The following ARMH3 variants were observed in gnomAD, a reference collection of about 807,000 sequenced individuals.
ARMH3 encodes the protein armadillo like helical domain containing 3.
A neutral mutation model predicts 99.1 loss-of-function variants in ARMH3; 60 were observed. That is an observed-to-expected ratio of 0.61 (90% CI 0.49 to 0.75). The LOEUF (loss-of-function observed/expected upper bound fraction) is 0.75. ARMH3 is among the 30% of genes least tolerant of loss of function. The probability of loss-of-function intolerance (pLI) is 0.00; values close to 1 mark genes in which losing one functional copy is unlikely to be tolerated. For missense variants in ARMH3, 679 were observed against 843.1 expected (o/e 0.81, Z 2.41); for synonymous variants, 285 against 292.8 (o/e 0.97, Z 0.27).
At chr10:102,035,904 A>G (rs547183778) in intron 2 of ARMH3, among the ~76,000 whole-genome samples, 3 of 144,464 alleles carry the variant, frequency 2.1e-5, no homozygotes, top group African/African-American at 7.8e-5. Context: ...CCAGCTGCCC[A>G]GTCTGGGAAG....
intron 19 of ARMH3, among the ~76,000 whole-genome samples, chr10:101,975,608 G>C (rs1006497671): frequency 2.0e-5 from 3 of 152,146 alleles, no homozygotes; most frequent in Non-Finnish European, 2.9e-5. Context: ...GTGCACGCCT[G>C]TAATCCCAGC....
rs190153379 is a variant in ARMH3 at position 101,943,920 on chromosome 10, C to T, written c.1706-3982G>A. 4.2e-3 allele frequency among the ~76,000 whole-genome samples: 639 copies of T among 151,072 alleles called. 7 individuals are homozygous for T. Among genetic ancestry groups the T allele is most frequent in the African/African-American group, 0.015 (607 of 41,114 alleles). On this transcript the variant is annotated intron_variant, in intron 22 of 25. Coordinates refer to ENST00000370033, the MANE Select transcript of ARMH3 (RefSeq NM_024541.3). The stretch of plus-strand genomic sequence containing the variant: ...TCTACTAAAAATACAAAAAATTAGC[C>T]GGGTGTGGTGGCGGACACCTGTAGT...
intron 23 of ARMH3, among the ~76,000 whole-genome samples, chr10:101,905,318 T>C (rs2068077337): frequency 6.6e-6 from 1 of 152,180 alleles, no homozygotes; most frequent in Admixed American, 6.5e-5. Context: ...TCGTAACATA[T>C]TGGATTGTGC....
intron 8 of ARMH3, among the ~76,000 whole-genome samples, chr10:102,023,187 CAA>C (rs57196032): frequency 0.014 from 1,787 of 128,806 alleles, 26 homozygotes; most frequent in African/African-American, 0.039. Flanking sequence ...AAATCCGTCT[CAA>C]AAAAAAAAAA....
At chr10:101,986,224 T>C (rs1214066332) in intron 19 of ARMH3, among the ~76,000 whole-genome samples, 1 of 152,172 alleles carries the variant, frequency 6.6e-6, no homozygotes, top group Admixed American at 6.5e-5. Flanking sequence ...ACCTTTCTTC[T>C]GATGCCTACC....
chr10:101,906,922 A>G (rs1183319573), intron 23 of ARMH3, among the ~76,000 whole-genome samples: 2 of 152,210 alleles, frequency 1.3e-5, no homozygotes, highest in Non-Finnish European at 2.9e-5. Context: ...CAGTTTCTCT[A>G]TTCTAGGAAA....
intron 23 of ARMH3, among the ~76,000 whole-genome samples, chr10:101,909,498 C>T (rs1469747580): frequency 2.0e-5 from 2 of 101,468 alleles, no homozygotes; most frequent in Non-Finnish European, 3.6e-5. Flanking sequence ...GAGACAGGGT[C>T]TCACTCTGTC....
rs547527648 is a variant in ARMH3, at chr10:101,971,108, A to G, written c.1495+4104T>C. 2.0e-5 allele frequency among the ~76,000 whole-genome samples: 3 copies of G among 150,940 alleles called. No individual in the cohort carries two copies. The East Asian group carries it at 5.8e-4, about 29-fold the overall frequency. On this transcript the variant is annotated intron_variant, in intron 20 of 25. Transcript: ENST00000370033. ...TGAGACCGTCTCCAAAAAAAAAAAAAAAAAAAAAAGCAAACATAGCAAAAC... is the reference window on the plus strand; with the variant it reads ...TGAGACCGTCTCCAAAAAAAAAAAAGAAAAAAAAAGCAAACATAGCAAAAC...
At chr10:101,979,324 G>C (rs1313919078) in intron 19 of ARMH3, among the ~76,000 whole-genome samples, 1 of 152,168 alleles carries the variant, frequency 6.6e-6, no homozygotes, top group Non-Finnish European at 1.5e-5. Flanking sequence ...CTACAACATG[G>C]ATGAATATGG....
At chr10:102,009,819 G>A (rs568970354) in intron 12 of ARMH3, among the ~76,000 whole-genome samples, 158 bp downstream of exon 12, 3 of 152,156 alleles carry the variant, frequency 2.0e-5, no homozygotes, top group Non-Finnish European at 4.4e-5. Context: ...AAATTTCTAA[G>A]GGTCCATTAA....
At chr10:101,885,941 C>T (rs550727634) in intron 24 of ARMH3, among the ~76,000 whole-genome samples, 1 of 151,836 alleles carries the variant, frequency 6.6e-6, no homozygotes, top group East Asian at 1.9e-4. Context: ...CCTGTAATCC[C>T]AGCTACTAGG....
chr10:101,926,055 C>T (rs1384699266), intron 23 of ARMH3, among the ~76,000 whole-genome samples: 1 of 152,200 alleles, frequency 6.6e-6, no homozygotes, highest in African/African-American at 2.4e-5. Flanking sequence ...ACATAGATGG[C>T]CTCTTAGGTT....
At chr10:101,993,247 G>GC (rs1283588841) in intron 17 of ARMH3, among the ~76,000 whole-genome samples, 16 of 150,624 alleles carry the variant, frequency 1.1e-4, no homozygotes, top group African/African-American at 3.7e-4. Flanking sequence ...CTCCAGCCTG[G>GC]GGGGGAGAGA....
At chr10:101,901,915 A>C (rs1262638771) in intron 23 of ARMH3, among the ~76,000 whole-genome samples, 1 of 152,198 alleles carries the variant, frequency 6.6e-6, no homozygotes, top group Non-Finnish European at 1.5e-5. Flanking sequence ...CTTCATTGCA[A>C]AATAGTTTCT....
At chr10:101,975,049 T>TAAAAAAAAAAA (rs11399489) in intron 20 of ARMH3, among the ~76,000 whole-genome samples, 163 bp downstream of exon 20, 170 of 29,400 alleles carry the variant, frequency 5.8e-3, no homozygotes, top group Non-Finnish European at 6.5e-3. Flanking sequence ...AGCTAAAACG[T>TAAAAAAAAAAA]AAAAAAAAAA....
intron 24 of ARMH3, among the ~76,000 whole-genome samples, chr10:101,868,006 CATGAAAGT>C (rs2067045027): frequency 6.6e-6 from 1 of 151,362 alleles, no homozygotes; most frequent in African/African-American, 2.4e-5. Context: ...TGGAAAAAGC[CATGAAAGT>C]CATCAAGTCC....
chr10:101,961,120 A>G (rs1281507990), intron 20 of ARMH3, among the ~76,000 whole-genome samples: 1 of 152,150 alleles, frequency 6.6e-6, no homozygotes, highest in Non-Finnish European at 1.5e-5. Context: ...CTGTTAAAGT[A>G]CAAGTATTTA....
At chr10:102,034,175 A>G (rs574672210) in intron 2 of ARMH3, among the ~76,000 whole-genome samples, 2 of 152,260 alleles carry the variant, frequency 1.3e-5, no homozygotes, top group African/African-American at 2.4e-5. Flanking sequence ...TGCCCTCCAT[A>G]TGCATTTAGT....
intron 8 of ARMH3, among the ~76,000 whole-genome samples, chr10:102,023,139 A>C (rs1426018590): frequency 1.3e-5 from 2 of 151,470 alleles, no homozygotes; most frequent in Non-Finnish European, 2.9e-5. Flanking sequence ...GTGAGCCAAG[A>C]TCGTGCCATT....
Sources: gnomAD v4.1 joint callset for allele counts (sites outside exome capture counted in the v4.1 genomes callset) on GRCh38, gnomAD v4.1.1 for gene constraint, MANE v1.5 for transcripts, NCBI Gene and HGNC (gene_info 2026-07-23, HGNC 2026-07-21) for gene names.